Variants in CBX7 observed in about 807,000 individuals in gnomAD.
The protein encoded by CBX7 is chromobox 7.
In CBX7, 14 loss-of-function variants were observed where a neutral mutation model predicts 31.4. The observed-to-expected ratio is 0.45, with a 90% CI of 0.29 to 0.70. CBX7 has a LOEUF of 0.70. Among genes scored for constraint, CBX7 ranks in the 30% least tolerant of loss-of-function variants. The pLI, the probability that CBX7 is intolerant of heterozygous loss-of-function variation, is 0.11. For synonymous variants in CBX7, 159 were observed against 152.6 expected (o/e 1.04, Z -0.31); for missense variants, 269 against 351.9 (o/e 0.76, Z 1.89).
chr22:39,139,610 G>A (rs1242921955), intron 3 of CBX7, among the ~76,000 whole-genome samples: 1 of 151,188 alleles, frequency 6.6e-6, no homozygotes, highest in Non-Finnish European at 1.5e-5. Flanking sequence ...GGCTGAGGCA[G>A]GAGAATGGTG....
intron 4 of CBX7, chr22:39,135,041 C>A (rs1247561354): frequency 7.6e-6 from 3 of 394,314 alleles, no homozygotes; most frequent in African/African-American, 6.2e-5. Context: ...GAAGGACAAA[C>A]TGAAAACTGG....
rs1414575803 is a variant in CBX7, at chr22:39,133,759, G to A, written c.*132C>T. The A allele has an allele frequency of 8.1e-6, 7 of 861,148 alleles. No individual in the cohort carries two copies. The Admixed American group carries it at 9.7e-5, about 12-fold the overall frequency. 53.3% of individuals were successfully genotyped at this position (861,148 alleles called of 1,614,324 possible). On this transcript the variant is annotated 3_prime_UTR_variant, in exon 6 of 6. Transcript: ENST00000216133. ...AAGGGCAGGTGGTGGGAGAGTAGTGGGATCTTCTCCCCTTTTGCTGCTCGG... is the reference window on the plus strand; with the variant it reads ...AAGGGCAGGTGGTGGGAGAGTAGTGAGATCTTCTCCCCTTTTGCTGCTCGG...
Position 39,134,528 on chromosome 22 carries a change from C to T in CBX7, c.471G>A (p.Pro157=), listed in dbSNP as rs373990250. The change falls in exon 5 of 6, where the codon CCG becomes CCA. Residue 157 remains proline (P), a synonymous_variant. Coordinates refer to ENST00000216133, the MANE Select transcript of CBX7 (RefSeq NM_175709.5). ...GGCTCTCCAGGTTGGGCCCGCGGGG[C>T]GGGAACTTCTTGCGCGAGAGCCGCA... ...KYLRLSRKKF[P]PRGPNLESHS... is the part of the protein sequence containing the mutation. 38 of 1,611,662 alleles carry T rather than the reference C, an allele frequency of 2.4e-5. No individual in the cohort carries two copies. The highest frequency in any genetic ancestry group is 6.7e-5 in the Admixed American group (4 of 59,824).
At chr22:39,141,790 GCAC>G (rs1487235322) in intron 2 of CBX7, among the ~76,000 whole-genome samples, 2 of 151,602 alleles carry the variant, frequency 1.3e-5, no homozygotes, top group African/African-American at 4.8e-5. Flanking sequence ...CTGGGCAGGT[GCAC>G]CAGCAGAGGC....
intron 1 of CBX7, among the ~76,000 whole-genome samples, chr22:39,151,681 C>A (rs979747255): frequency 5.3e-5 from 8 of 152,196 alleles, no homozygotes; most frequent in African/African-American, 1.9e-4. Flanking sequence ...GACGCCAGGC[C>A]CGGACAAAGT....
chr22:39,137,820 G>T (rs1930306483), intron 4 of CBX7, among the ~76,000 whole-genome samples: 1 of 152,156 alleles, frequency 6.6e-6, no homozygotes, highest in Admixed American at 6.5e-5. Flanking sequence ...GCTGGAACAG[G>T]AGGCCCACTC....
At chr22:39,136,415 G>C (rs713909) in intron 4 of CBX7, 64,238 of 152,406 alleles carry the variant, frequency 0.42, 13,866 homozygotes, top group African/African-American at 0.47. Flanking sequence ...AGACACTGTG[G>C]CTTCTTCCCT....
intron 4 of CBX7, 194 bp from the exon 5 acceptor site, chr22:39,134,946 G>T (rs921015890): frequency 1.8e-6 from 1 of 564,430 alleles, no homozygotes; most frequent in Non-Finnish European, 3.1e-6. Context: ...CCCCAGGGTC[G>T]GCCAGCTCAG....
intron 4 of CBX7, 85 bp downstream of exon 4, chr22:39,138,551 T>A: frequency 7.9e-7 from 1 of 1,262,142 alleles, no homozygotes; most frequent in Non-Finnish European, 1.2e-6. Context: ...ATCAGCTCAA[T>A]CAGCCAGTGC....
At chr22:39,141,139 C>T (rs1485996445) in intron 3 of CBX7, 4 of 502,696 alleles carry the variant, frequency 8.0e-6, no homozygotes, top group Admixed American at 3.6e-5. Context: ...GACTGAGGCC[C>T]GGGTGGGTAA....
intron 2 of CBX7, 171 bp downstream of exon 2, chr22:39,149,618 G>C (rs991726395): frequency 1.2e-5 from 8 of 653,138 alleles, no homozygotes; most frequent in Non-Finnish European, 1.9e-5. Context: ...CCCTCCTGTG[G>C]TCCAGGGGGA....
At chr22:39,140,209 T>A (rs1242047321) in intron 3 of CBX7, among the ~76,000 whole-genome samples, 1 of 152,170 alleles carries the variant, frequency 6.6e-6, no homozygotes, top group African/African-American at 2.4e-5. Context: ...CTATTGCAAA[T>A]GTCTGACCAT....
At position 39,134,025 on chromosome 22, in the gene CBX7, G is replaced by C; in HGVS notation, c.622C>G (p.Pro208Ala). ...GGGAGCGCAGGTGTCCAGGGAGGGG[G>C]CCCCTCGGCCAGGTCGGCATCTGCT... The part of the protein sequence containing the change: ...EEADADLAEG[P>A]PPWTPALPSS... Residue 208 changes from proline (P) to alanine (A), a missense_variant, in exon 6 of 6, where the codon CCC becomes GCC. Around this residue, in one of 2 missense-constraint regions of CBX7, gnomAD observed 222 missense variants for 240.4 expected, o/e 0.92. Transcript: ENST00000216133. 1 of 1,605,084 alleles carries C rather than the reference G, an allele frequency of 6.2e-7. No homozygotes were observed.
chr22:39,134,962 C>G (rs1930201156), intron 4 of CBX7: 1 of 548,614 alleles, frequency 1.8e-6, no homozygotes, highest in African/African-American at 1.9e-5. Flanking sequence ...CTCAGCCCTG[C>G]CTCTGGGCCC....
At chr22:39,145,428 C>T (rs1930612284) in intron 2 of CBX7, among the ~76,000 whole-genome samples, 1 of 152,178 alleles carries the variant, frequency 6.6e-6, no homozygotes, top group Non-Finnish European at 1.5e-5. Flanking sequence ...CATCGGAGAC[C>T]CTCGGGTGCC....
intron 4 of CBX7, among the ~76,000 whole-genome samples, chr22:39,137,494 GC>G (rs1459845406): frequency 6.6e-6 from 1 of 151,968 alleles, no homozygotes; most frequent in Non-Finnish European, 1.5e-5. Context: ...GATTACAGGT[GC>G]CCGCCACCAT....
Position 39,149,852 on chromosome 22 carries a change from GAC to G in CBX7, c.70-22_70-21del. 9.9e-6 allele frequency: 16 copies of G among 1,611,728 alleles called. No homozygotes were observed. The highest frequency in any genetic ancestry group is 1.4e-5 in the Non-Finnish European group (16 of 1,177,896). On this transcript the variant is annotated intron_variant, in intron 1 of 5. Coordinates refer to ENST00000216133, the MANE Select transcript of CBX7 (RefSeq NM_175709.5). ...TTTACCCTGAGAAGAGAGAGAAGCAGACACAGTGAGTCTCGTGGTTGCCCCTA... is the reference window on the plus strand; with the variant it reads ...TTTACCCTGAGAAGAGAGAGAAGCAGACAGTGAGTCTCGTGGTTGCCCCTA...
At chr22:39,138,549 A>T (rs1453084310) in intron 4 of CBX7, 87 bp downstream of exon 4, 2 of 1,243,044 alleles carry the variant, frequency 1.6e-6, no homozygotes, top group Non-Finnish European at 2.4e-6. Flanking sequence ...AGATCAGCTC[A>T]ATCAGCCAGT....
chr22:39,132,453 T>C lies in CBX7; in HGVS notation c.*1438A>G. The C allele has an allele frequency of 6.6e-6, 1 of 152,430 alleles. No individual in the cohort carries two copies. The allele number at this position is 152,430 out of a possible 1,614,324, so 9.4% of individuals were successfully genotyped here. Reference sequence around the variant, plus strand: ...CCCCCCAATCTGGTTTTGTCTCCCCTACAGGACTGGAAGAGAGGGAGAAGT... The same window carrying C: ...CCCCCCAATCTGGTTTTGTCTCCCCCACAGGACTGGAAGAGAGGGAGAAGT... On this transcript the variant is annotated 3_prime_UTR_variant, in exon 6 of 6. Transcript: ENST00000216133.
Sources: allele counts gnomAD v4.1 joint callset (sites outside exome capture counted in the v4.1 genomes callset), GRCh38; gene constraint gnomAD v4.1.1; regional missense constraint gnomAD v4.1.1; transcripts MANE v1.5; gene names NCBI Gene and HGNC (gene_info 2026-07-23, HGNC 2026-07-21).